Variants in RNF24 observed in about 807,000 individuals in gnomAD.
RNF24 encodes ring finger protein 24.
A neutral mutation model predicts 20.0 loss-of-function variants in RNF24; 14 were observed. That is an observed-to-expected ratio of 0.70 (90% confidence interval 0.46 to 1.10). The LOEUF (loss-of-function observed/expected upper bound fraction) is 1.10, where lower values mean the gene tolerates loss of function less well. Ranked by LOEUF, RNF24 falls within the 50% of genes least tolerant of loss-of-function variation. The probability of loss-of-function intolerance (pLI) is 0.00; values close to 1 mark genes in which losing one functional copy is unlikely to be tolerated. For missense variants in RNF24, 124 were observed against 177.6 expected, an observed-to-expected ratio of 0.70 and a Z score of 1.71; for synonymous variants, 45 against 61.1, an observed-to-expected ratio of 0.74 and a Z score of 1.23.
chr20:4,008,593 G>A (rs1982177428), intron 1 of RNF24, among the ~76,000 whole-genome samples: 1 of 136,586 alleles, frequency 7.3e-6, no homozygotes, highest in South Asian at 2.2e-4. Context: ...TGTCACCCAG[G>A]CTGGAGTGCA....
intron 1 of RNF24, among the ~76,000 whole-genome samples, chr20:4,008,385 ATATATTATATATG>A (rs1354510085): frequency 0.12 from 2,524 of 21,536 alleles, 612 homozygotes; most frequent in Non-Finnish European, 0.15. Context: ...TATATAATAT[ATATATTATATATG>A]TAATATGTAT....
chr20:3,997,702 G>A (rs535874354), intron 1 of RNF24, among the ~76,000 whole-genome samples: 2 of 152,048 alleles, frequency 1.3e-5, no homozygotes, highest in Non-Finnish European at 2.9e-5. Context: ...TTGGGGCTAC[G>A]GATGTAAGCC....
chr20:3,936,946 C>T (rs1291199537), intron 4 of RNF24, among the ~76,000 whole-genome samples: 7 of 152,142 alleles, frequency 4.6e-5, no homozygotes, highest in Admixed American at 2.6e-4. Flanking sequence ...AAGTGAGTCT[C>T]CTGCCTCAGA....
At chr20:3,949,011 C>G (rs765245625) in intron 2 of RNF24, among the ~76,000 whole-genome samples, 50 of 152,190 alleles carry the variant, frequency 3.3e-4, no homozygotes, top group Non-Finnish European at 6.8e-4. Context: ...TACACAAATT[C>G]TACATGTCTT....
chr20:3,978,656 G>A (rs1979110669), intron 1 of RNF24, among the ~76,000 whole-genome samples: 1 of 152,100 alleles, frequency 6.6e-6, no homozygotes, highest in South Asian at 2.1e-4. Flanking sequence ...TAGCAGGCAA[G>A]TATAAGAAAG....
At chr20:3,940,472 G>A (rs2090942714) in intron 4 of RNF24, among the ~76,000 whole-genome samples, 2 of 150,476 alleles carry the variant, frequency 1.3e-5, no homozygotes, top group Admixed American at 1.3e-4. Context: ...TCTAACATTT[G>A]TGTCACTGGA....
intron 1 of RNF24, among the ~76,000 whole-genome samples, chr20:3,972,500 A>C (rs1341777459): frequency 2.0e-5 from 3 of 152,252 alleles, no homozygotes; most frequent in Non-Finnish European, 4.4e-5. Context: ...GAAGGGTAGC[A>C]AGAAAATATC....
In RNF24 at chr20:3,948,207, A is replaced by T. The variant is rs76484825; in HGVS notation, c.186+30T>A. On this transcript the variant is annotated intron_variant, in intron 3 of 5. Transcript: ENST00000358395. ...TCAGTTTTTTGGGGGGAAAAAAAAA[A>T]TCAAAGCCAATCTGAATTAAATTTC... 26 of 1,543,392 alleles carry T rather than the reference A, an allele frequency of 1.7e-5. 2 individuals are homozygous for T. In the Admixed American group the frequency reaches 2.3e-4, roughly 13 times the overall value.
At chr20:3,962,391 C>T (rs1468155938) in intron 2 of RNF24, among the ~76,000 whole-genome samples, 1 of 152,000 alleles carries the variant, frequency 6.6e-6, no homozygotes, top group African/African-American at 2.4e-5. Flanking sequence ...ACTCATTGTC[C>T]ATTGGTAATA....
In RNF24 at chr20:3,929,765, A is replaced by T. The variant is rs2090793672; in HGVS notation, c.*4298T>A. 1 of 152,244 alleles carries T rather than the reference A, an allele frequency of 6.6e-6. No individual in the cohort carries two copies. Among genetic ancestry groups the T allele is most frequent in the Non-Finnish European group, 1.5e-5 (1 of 68,028 alleles). 9.4% of individuals were successfully genotyped at this position (152,244 alleles called of 1,614,324 possible). A position where few individuals can be genotyped will look rare whatever the true frequency, so the allele number is the denominator to read the frequency against. On this transcript the variant is annotated 3_prime_UTR_variant, in exon 6 of 6. Transcript: ENST00000358395. Reference sequence around the variant, plus strand: ...GTCGCAGATAGAAAGTCAATCAGAAAAATCTGGTTGTGCTCTTGGATTAGC... The same window carrying T: ...GTCGCAGATAGAAAGTCAATCAGAATAATCTGGTTGTGCTCTTGGATTAGC...
intron 1 of RNF24, among the ~76,000 whole-genome samples, chr20:4,009,177 C>A (rs1600726786): frequency 2.0e-5 from 3 of 152,136 alleles, no homozygotes; most frequent in Admixed American, 2.0e-4. Flanking sequence ...TATTAAACAA[C>A]AGAATTTCAG....
chr20:3,940,481 G>A (rs2090942756), intron 4 of RNF24, among the ~76,000 whole-genome samples: 1 of 151,242 alleles, frequency 6.6e-6, no homozygotes, highest in South Asian at 2.1e-4. Flanking sequence ...TGTGTCACTG[G>A]AGTTCCAGGA....
chr20:4,009,555 T>C (rs927119853), intron 1 of RNF24, among the ~76,000 whole-genome samples: 3 of 151,826 alleles, frequency 2.0e-5, no homozygotes, highest in African/African-American at 7.3e-5. Flanking sequence ...GGAAGATGAG[T>C]GGTTTCTGTC....
rs6116118 is a variant in RNF24, at chr20:3,952,499, C to T, written c.144-4220G>A. Among the ~76,000 whole-genome samples, 415 of 151,662 alleles carry T rather than the reference C, an allele frequency of 2.7e-3. 2 individuals carry two copies. The highest frequency in any genetic ancestry group is 9.4e-3 in the African/African-American group (390 of 41,420). ...TTAATGTACACAATTATGTTGTCTG[C>T]ATATAATCACAATTTAAACACTGCC... On this transcript the variant is annotated intron_variant, in intron 2 of 5. Transcript: ENST00000358395.
intron 1 of RNF24, among the ~76,000 whole-genome samples, chr20:3,992,598 G>T (rs1216240478): frequency 2.0e-5 from 3 of 151,586 alleles, no homozygotes; most frequent in Non-Finnish European, 4.4e-5. Flanking sequence ...ATTAGTTATA[G>T]AATAATTTAC....
chr20:3,977,463 G>A (rs1437999809), intron 1 of RNF24, among the ~76,000 whole-genome samples: 2 of 151,984 alleles, frequency 1.3e-5, no homozygotes, highest in African/African-American at 2.4e-5. Flanking sequence ...AGGGTAAAAA[G>A]GGGAAGAAGG....
chr20:3,974,776 CAG>C (rs1978716633), intron 1 of RNF24, among the ~76,000 whole-genome samples: 2 of 152,098 alleles, frequency 1.3e-5, no homozygotes, highest in East Asian at 3.9e-4. Context: ...TAAATAAATG[CAG>C]AGACATACTA....
chr20:3,935,971 C>T (rs1453363572), intron 4 of RNF24, among the ~76,000 whole-genome samples: 2 of 152,090 alleles, frequency 1.3e-5, no homozygotes, highest in Non-Finnish European at 2.9e-5. Context: ...CCTGTCCATT[C>T]CCAAGGATCC....
At chr20:3,970,331 C>T (rs918280407) in intron 1 of RNF24, among the ~76,000 whole-genome samples, 6 of 152,052 alleles carry the variant, frequency 3.9e-5, no homozygotes, top group African/African-American at 1.2e-4. Flanking sequence ...TACAACCCAC[C>T]GTTTCACTGT....
Sources: allele counts gnomAD v4.1 joint callset (sites outside exome capture counted in the v4.1 genomes callset), GRCh38; gene constraint gnomAD v4.1.1; transcripts MANE v1.5; gene names NCBI Gene and HGNC (gene_info 2026-07-23, HGNC 2026-07-21).